The following ERC2 variants were observed in gnomAD, a reference collection of about 807,000 sequenced individuals.
ERC2 encodes the protein ELKS/RAB6-interacting/CAST family member 2, also known as ERC protein 2.
In ERC2, 42 loss-of-function variants were observed where a neutral mutation model predicts 114.8. That is an observed-to-expected ratio of 0.37 (90% CI 0.29 to 0.47). The LOEUF is 0.47. ERC2 is among the 20% of genes least tolerant of loss of function. The pLI is 0.99. For missense variants in ERC2, 939 were observed against 1,150.7 expected, an observed-to-expected ratio of 0.82 and a Z score of 2.66; for synonymous variants, 454 against 425.5, an observed-to-expected ratio of 1.07 and a Z score of -0.82.
chr3:55,615,750 A>G (rs566415216), intron 17 of ERC2, among the ~76,000 whole-genome samples: 9 of 152,176 alleles, frequency 5.9e-5, no homozygotes, highest in Non-Finnish European at 1.0e-4. Context: ...TTCGGTGAAA[A>G]TTAAGTTTCC....
chr3:56,454,858 CA>C (rs1320268177), intron 1 of ERC2, among the ~76,000 whole-genome samples: 2 of 21,644 alleles, frequency 9.2e-5, no homozygotes, highest in East Asian at 3.8e-3. Context: ...GACTCTGTCT[CA>C]GAAAAAAAAA....
chr3:56,223,442 AAGCCAC>A (rs2050048018), intron 3 of ERC2, among the ~76,000 whole-genome samples: 1 of 151,766 alleles, frequency 6.6e-6, no homozygotes, highest in African/African-American at 2.4e-5. Context: ...AAGAAAGTGG[AAGCCAC>A]ATTTGTCAAA....
intron 17 of ERC2, among the ~76,000 whole-genome samples, chr3:55,631,179 A>G (rs1201886257): frequency 6.6e-6 from 1 of 152,092 alleles, no homozygotes; most frequent in African/African-American, 2.4e-5. Flanking sequence ...TTCCCCAAGC[A>G]ATGGGAATTG....
At chr3:55,588,536 A>G (rs1021127534) in intron 17 of ERC2, among the ~76,000 whole-genome samples, 1 of 152,188 alleles carries the variant, frequency 6.6e-6, no homozygotes, top group Admixed American at 6.5e-5. Context: ...GGCCTGATGA[A>G]TCAATTCCAG....
At chr3:56,035,456 T>C (rs1400202485) in intron 7 of ERC2, among the ~76,000 whole-genome samples, 1 of 152,194 alleles carries the variant, frequency 6.6e-6, no homozygotes, top group African/African-American at 2.4e-5. Flanking sequence ...GAACATGCTA[T>C]GGTCTGAATG....
intron 7 of ERC2, among the ~76,000 whole-genome samples, chr3:56,051,864 C>T (rs1262864216): frequency 6.7e-6 from 1 of 148,488 alleles, no homozygotes; most frequent in Non-Finnish European, 1.5e-5. Flanking sequence ...CACACACACA[C>T]ACACACACAC....
intron 2 of ERC2, among the ~76,000 whole-genome samples, chr3:56,387,962 A>G (rs1430838042): frequency 1.3e-5 from 2 of 152,212 alleles, no homozygotes; most frequent in Non-Finnish European, 2.9e-5. Flanking sequence ...GTAGAGAGAG[A>G]TAATTCTCAA....
intron 14 of ERC2, among the ~76,000 whole-genome samples, chr3:55,860,026 A>T (rs954963558): frequency 4.6e-5 from 7 of 152,120 alleles, no homozygotes; most frequent in African/African-American, 1.4e-4. Context: ...GTTGCTATGG[A>T]CAATTAGCCT....
At chr3:56,243,739 G>A (rs1383893804) in intron 3 of ERC2, among the ~76,000 whole-genome samples, 1 of 152,214 alleles carries the variant, frequency 6.6e-6, no homozygotes, top group Non-Finnish European at 1.5e-5. Flanking sequence ...GACAGGTGCA[G>A]TGCCTGGCTG....
At chr3:55,727,858 AC>A (rs1343497354) in intron 15 of ERC2, among the ~76,000 whole-genome samples, 2 of 152,164 alleles carry the variant, frequency 1.3e-5, no homozygotes, top group African/African-American at 4.8e-5. Context: ...AATTGCCGCC[AC>A]CCCAATTAGT....
intron 14 of ERC2, among the ~76,000 whole-genome samples, chr3:55,869,632 G>A (rs2149279271): frequency 6.6e-6 from 1 of 152,172 alleles, no homozygotes; most frequent in Middle Eastern, 3.4e-3. Flanking sequence ...CATCTGGAAA[G>A]CCCCATGATA....
At chr3:55,823,420 C>A (rs1054833583) in intron 14 of ERC2, among the ~76,000 whole-genome samples, 3 of 152,122 alleles carry the variant, frequency 2.0e-5, no homozygotes, top group African/African-American at 7.2e-5. Flanking sequence ...CCTACCATAC[C>A]CTGCTGTCCT....
chr3:56,173,600 C>G (rs1463791650), intron 3 of ERC2, 80 bp from the exon 4 acceptor site: 3 of 1,324,174 alleles, frequency 2.3e-6, no homozygotes, highest in African/African-American at 1.5e-5. Context: ...TACTACACAG[C>G]CTGCTGGGTC....
chr3:55,721,244 A>T (rs1269151565), intron 15 of ERC2, among the ~76,000 whole-genome samples: 5 of 152,238 alleles, frequency 3.3e-5, no homozygotes, highest in African/African-American at 1.2e-4. Context: ...CAAAGTGGGC[A>T]TAATGATGGT....
At chr3:56,263,200 T>C (rs1275228612) in intron 3 of ERC2, among the ~76,000 whole-genome samples, 1 of 151,924 alleles carries the variant, frequency 6.6e-6, no homozygotes, top group African/African-American at 2.4e-5. Flanking sequence ...ACAAATATAA[T>C]ATAAGAAAGG....
At chr3:56,031,785 C>CA (rs2074392723) in intron 7 of ERC2, among the ~76,000 whole-genome samples, 1 of 152,156 alleles carries the variant, frequency 6.6e-6, no homozygotes, top group East Asian at 1.9e-4. Context: ...AAGAAATACA[C>CA]AAAAACAAGA....
At chr3:55,883,755 G>A (rs2063224800) in intron 14 of ERC2, among the ~76,000 whole-genome samples, 1 of 152,184 alleles carries the variant, frequency 6.6e-6, no homozygotes, top group East Asian at 1.9e-4. Context: ...GGGTGTGGTG[G>A]TGGGTGCCTG....
chr3:56,259,125 A>T (rs2052733325), intron 3 of ERC2, among the ~76,000 whole-genome samples: 1 of 151,792 alleles, frequency 6.6e-6, no homozygotes, highest in East Asian at 1.9e-4. Flanking sequence ...GGCCTGTGCC[A>T]CCGTGCCTGG....
At chr3:56,235,508 C>T (rs572569608) in intron 3 of ERC2, among the ~76,000 whole-genome samples, 71 of 152,198 alleles carry the variant, frequency 4.7e-4, no homozygotes, top group African/African-American at 1.7e-3. Context: ...TTTTCTTGTA[C>T]TCTTTTTAAA....
Sources: gnomAD v4.1 joint callset for allele counts (sites outside exome capture counted in the v4.1 genomes callset) on GRCh38, gnomAD v4.1.1 for gene constraint, MANE v1.5 for transcripts, NCBI Gene and HGNC (gene_info 2026-07-23, HGNC 2026-07-21) for gene names.